STON1: variants seen among roughly 807,000 people sequenced by gnomAD.
STON1 encodes the protein stonin-1.
A neutral mutation model predicts 60.9 loss-of-function variants in STON1; 79 were observed. The ratio of observed to expected loss-of-function variants is 1.30; its 90% CI spans 1.08 to 1.56. STON1 has a LOEUF of 1.56. Among genes scored for constraint, STON1 ranks in the 40% most tolerant of loss-of-function variants. The probability of loss-of-function intolerance (pLI) is 0.00; values close to 1 mark genes in which losing one functional copy is unlikely to be tolerated. For missense variants in STON1, 1,166 were observed against 858.9 expected, an observed-to-expected ratio of 1.36 and a Z score of -4.47; for synonymous variants, 363 against 306.9, an observed-to-expected ratio of 1.18 and a Z score of -1.91.
intron 1 of STON1, among the ~76,000 whole-genome samples, chr2:48,560,269 A>G (rs1382334908): frequency 6.6e-6 from 1 of 152,138 alleles, no homozygotes; most frequent in Non-Finnish European, 1.5e-5. Flanking sequence ...AAAATGTGTG[A>G]TCTGAGCCAA....
intron 1 of STON1, among the ~76,000 whole-genome samples, chr2:48,536,824 C>A (rs1671453266): frequency 6.6e-6 from 1 of 152,126 alleles, no homozygotes; most frequent in Non-Finnish European, 1.5e-5. Flanking sequence ...CTGGTGATTT[C>A]CCCTATAAAT....
chr2:48,542,077 G>C (rs572162812), intron 1 of STON1, among the ~76,000 whole-genome samples: 2 of 152,336 alleles, frequency 1.3e-5, no homozygotes, highest in South Asian at 4.1e-4. Flanking sequence ...TGGATATGAA[G>C]ACGATGTTCT....
chr2:48,536,687 AGTTT>A (rs1317637187), intron 1 of STON1, among the ~76,000 whole-genome samples: 2 of 151,936 alleles, frequency 1.3e-5, no homozygotes, highest in African/African-American at 4.8e-5. Flanking sequence ...TATAAACGTT[AGTTT>A]GTCTAGTTGC....
At chr2:48,567,716 T>TA (rs1312226860) in intron 1 of STON1, among the ~76,000 whole-genome samples, 3 of 152,166 alleles carry the variant, frequency 2.0e-5, no homozygotes, top group African/African-American at 7.2e-5. Flanking sequence ...AATGGTATTT[T>TA]AAATACTGTC....
chr2:48,580,554 AC>A (rs1673812387), intron 1 of STON1, 32 bp from the exon 2 acceptor site: 2 of 1,316,448 alleles, frequency 1.5e-6, no homozygotes, highest in South Asian at 6.3e-5. Flanking sequence ...CATTTTATAT[AC>A]CTATTTTCTC....
intron 2 of STON1, 65 bp downstream of exon 2, chr2:48,582,628 T>C: frequency 6.5e-7 from 1 of 1,546,876 alleles, no homozygotes; most frequent in Non-Finnish European, 8.7e-7. Flanking sequence ...ACCTTCCTCC[T>C]TGGGTTGAAA....
At chr2:48,547,145 C>G (rs1177668320) in intron 1 of STON1, among the ~76,000 whole-genome samples, 1 of 152,196 alleles carries the variant, frequency 6.6e-6, no homozygotes, top group African/African-American at 2.4e-5. Context: ...TGTTTATCTT[C>G]TCAGCTATGT....
At position 48,580,762 on chromosome 2, in the gene STON1, C is replaced by G. The variant is rs1299338821; in HGVS notation, c.129C>G (p.Asn43Lys). The change falls in exon 2 of 4, where the codon AAC (asparagine) becomes AAG (lysine). Residue 43 changes from asparagine to lysine, a missense_variant. Coordinates refer to ENST00000404752, the MANE Select transcript of STON1 (RefSeq NM_006873.4). ...GTAGACCAAATGGACTGAAGCTGAA[C>G]CTTCCTGGCCTCAGGGAATTTCCCA... ...GVCRPNGLKL[N>K]LPGLREFPSG... The G allele has an allele frequency of 6.4e-7, 1 of 1,554,284 alleles. No homozygotes were observed. Among genetic ancestry groups the G allele is most frequent in the East Asian group, 2.3e-5 (1 of 42,744 alleles).
At chr2:48,573,371 T>C (rs1673316509) in intron 1 of STON1, among the ~76,000 whole-genome samples, 1 of 152,222 alleles carries the variant, frequency 6.6e-6, no homozygotes, top group Non-Finnish European at 1.5e-5. Flanking sequence ...AAAGCCCATG[T>C]ATTTAGTGGT....
At chr2:48,575,672 A>AAATAAATG (rs1185785410) in intron 1 of STON1, among the ~76,000 whole-genome samples, 2 of 151,810 alleles carry the variant, frequency 1.3e-5, no homozygotes, top group African/African-American at 4.8e-5. Context: ...ATAAATAAAT[A>AAATAAATG]AATAAATAAA....
rs759170272 is a variant in STON1 at position 48,581,357 on chromosome 2, C to A, written c.724C>A (p.Gln242Lys). The change falls in exon 2 of 4, where the codon CAA becomes AAA. Residue 242 changes from glutamine to lysine, a missense_variant. Coordinates refer to ENST00000404752, the MANE Select transcript of STON1 (RefSeq NM_006873.4). Reference sequence around the variant, plus strand: ...TGAACATCTCCAGTCAGCTGAGAACCAAGACTCACTTAGAAGTTTGTCTAT... The same window carrying A: ...TGAACATCTCCAGTCAGCTGAGAACAAAGACTCACTTAGAAGTTTGTCTAT... ...KLEHLQSAEN[Q>K]DSLRSLSMHC... 9.6e-6 allele frequency: 15 copies of A among 1,562,874 alleles called. No individual in the cohort carries two copies. Among genetic ancestry groups the A allele is most frequent in the Non-Finnish European group, 1.3e-5 (15 of 1,155,864 alleles).
intron 1 of STON1, among the ~76,000 whole-genome samples, chr2:48,535,866 C>T (rs1376637841): frequency 2.6e-5 from 4 of 152,050 alleles, no homozygotes; most frequent in Admixed American, 1.3e-4. Flanking sequence ...GCGGGCTGAT[C>T]GCTTGAGCTC....
intron 1 of STON1, among the ~76,000 whole-genome samples, chr2:48,534,221 C>T (rs746061708): frequency 4.6e-5 from 7 of 152,106 alleles, no homozygotes; most frequent in Non-Finnish European, 1.0e-4. Flanking sequence ...TATTTCTCAA[C>T]TTTTATAGTA....
intron 1 of STON1, among the ~76,000 whole-genome samples, chr2:48,535,274 C>A (rs1013990554): frequency 6.6e-6 from 1 of 152,028 alleles, no homozygotes; most frequent in South Asian, 2.1e-4. Context: ...TTACTATGAA[C>A]ACACAACAAT....
At chr2:48,552,140 C>G (rs77896525) in intron 1 of STON1, among the ~76,000 whole-genome samples, 76 of 152,320 alleles carry the variant, frequency 5.0e-4, no homozygotes, top group Non-Finnish European at 1.0e-3. Context: ...TGGGGCATGT[C>G]CATGCAATGG....
intron 1 of STON1, among the ~76,000 whole-genome samples, chr2:48,538,606 T>C (rs1400469096): frequency 6.6e-6 from 1 of 151,908 alleles, no homozygotes; most frequent in Non-Finnish European, 1.5e-5. Context: ...ATATTTCTTA[T>C]TTATTTATTT....
intron 1 of STON1, among the ~76,000 whole-genome samples, chr2:48,556,216 G>T (rs1672347010): frequency 2.8e-5 from 1 of 35,284 alleles, no homozygotes; most frequent in African/African-American, 9.8e-5. Flanking sequence ...CCAGGCGGGG[G>T]GCTGACCCCC....
At chr2:48,545,512 TC>T (rs1486350231) in intron 1 of STON1, among the ~76,000 whole-genome samples, 1 of 152,156 alleles carries the variant, frequency 6.6e-6, no homozygotes, top group African/African-American at 2.4e-5. Context: ...GGGCCATCTT[TC>T]CATGATTCTT....
chr2:48,578,574 C>CT (rs1459229319), intron 1 of STON1, among the ~76,000 whole-genome samples: 264 of 78,136 alleles, frequency 3.4e-3, no homozygotes, highest in Non-Finnish European at 6.3e-3. Context: ...CCTCCTCCTC[C>CT]TCCTTCCTTT....
Sources: gnomAD v4.1 joint callset for allele counts (sites outside exome capture counted in the v4.1 genomes callset) on GRCh38, gnomAD v4.1.1 for gene constraint, MANE v1.5 for transcripts, NCBI Gene and HGNC (gene_info 2026-07-23, HGNC 2026-07-21) for gene names.